LIMS2: variants seen among roughly 807,000 people sequenced by gnomAD.
LIMS2 encodes the protein LIM and senescent cell antigen-like-containing domain protein 2.
In LIMS2, 30 loss-of-function variants were observed where a neutral mutation model predicts 45.3. The ratio of observed to expected loss-of-function variants is 0.66; its 90% CI spans 0.50 to 0.90. The LOEUF (loss-of-function observed/expected upper bound fraction) is 0.90. Among genes scored for constraint, LIMS2 ranks in the 40% least tolerant of loss-of-function variants. The pLI, the probability that LIMS2 is intolerant of heterozygous loss-of-function variation, is 0.00. For missense variants in LIMS2, 485 were observed against 468.7 expected (o/e 1.03, Z -0.32); for synonymous variants, 173 against 188.0 (o/e 0.92, Z 0.65).
At chr2:127,658,266 G>T (rs11895485) in intron 1 of LIMS2, among the ~76,000 whole-genome samples, 2 of 152,170 alleles carry the variant, frequency 1.3e-5, no homozygotes, top group African/African-American at 2.4e-5. Context: ...AGGTGTGGTG[G>T]TGCAAGCCTG....
Position 127,675,155 on chromosome 2 carries a change from G to T in LIMS2, c.-131C>A. 1 of 617,282 alleles carries T rather than the reference G, an allele frequency of 1.6e-6. No homozygotes were observed. Among genetic ancestry groups the T allele is most frequent in the Non-Finnish European group, 2.1e-6 (1 of 484,886 alleles). 38.2% of individuals were successfully genotyped at this position (617,282 alleles called of 1,614,324 possible). ...GGGAGACGCCCAAAAAAGGCCAAGA[G>T]CCGCTCCGCCCGCGAGAGGGGTGGG... On this transcript the variant is annotated 5_prime_UTR_variant, in exon 1 of 10. Transcript: ENST00000355119.
At position 127,653,021 on chromosome 2, in the gene LIMS2, G is replaced by A. The variant is rs34613707; in HGVS notation, c.359+1403C>T. Among the ~76,000 whole-genome samples the A allele has an allele frequency of 4.6e-5, 7 of 152,370 alleles. No individual in the cohort carries two copies. In the East Asian group the frequency reaches 1.2e-3, roughly 25 times the overall value. On this transcript the variant is annotated intron_variant, in intron 4 of 9. Transcript: ENST00000355119. This position sits in a 1 kb window ranked among gnomAD's most constrained non-coding sequence, Gnocchi z 5.3. ...ACACACCCTGTCGGCGACGTTGCTG[G>A]TCAGCACGAGCTCCTGGTGCTGTCC...
intron 9 of LIMS2, 137 bp from the exon 10 acceptor site, chr2:127,639,565 G>T (rs1682189600): frequency 2.9e-6 from 3 of 1,038,156 alleles, no homozygotes; most frequent in East Asian, 2.4e-5. Context: ...AGGCCCTAGG[G>T]TGAGATGGCC....
intron 1 of LIMS2, among the ~76,000 whole-genome samples, chr2:127,660,196 C>G (rs1001643514): frequency 1.3e-5 from 2 of 152,178 alleles, no homozygotes; most frequent in Non-Finnish European, 2.9e-5. Context: ...TAAAAACTGA[C>G]CAATCAGCAC....
rs948060958 is a variant in LIMS2 at position 127,667,768 on chromosome 2, C to T, written c.11+7246G>A. 6.6e-6 allele frequency among the ~76,000 whole-genome samples: 1 copy of T among 152,224 alleles called. No individual in the cohort carries two copies. Among genetic ancestry groups the T allele is most frequent in the African/African-American group, 2.4e-5 (1 of 41,470 alleles). ...GTGATGAGAAAATGAATGCTTTCCT[C>T]CTAAGGTCAGGGGGATTTCCAGTCC... On this transcript the variant is annotated intron_variant, in intron 1 of 9. Transcript: ENST00000355119. This position sits in a 1 kb window ranked among gnomAD's most constrained non-coding sequence, Gnocchi z 4.1.
intron 4 of LIMS2, among the ~76,000 whole-genome samples, chr2:127,644,816 C>T (rs767398766): frequency 6.6e-6 from 1 of 152,224 alleles, no homozygotes; most frequent in Non-Finnish European, 1.5e-5. Context: ...CCAGCCTGGG[C>T]CAGTTCTTCC....
intron 2 of LIMS2, 72 bp downstream of exon 2, chr2:127,657,331 G>C: frequency 6.3e-7 from 1 of 1,585,310 alleles, no homozygotes; most frequent in South Asian, 1.1e-5. Context: ...CCACTGCATG[G>C]AGCCCGGCCC....
chr2:127,645,560 C>A (rs1682879915), intron 4 of LIMS2, among the ~76,000 whole-genome samples: 1 of 152,236 alleles, frequency 6.6e-6, no homozygotes, highest in Admixed American at 6.5e-5. Flanking sequence ...AGCTGAGCCG[C>A]ATCCTCACGG....
At chr2:127,662,745 G>T (rs1171648566) in intron 1 of LIMS2, among the ~76,000 whole-genome samples, 1 of 151,530 alleles carries the variant, frequency 6.6e-6, no homozygotes, top group African/African-American at 2.4e-5. Flanking sequence ...TATACATATG[G>T]AACAAACCTG....
At chr2:127,657,850 T>C (rs754335851) in intron 1 of LIMS2, among the ~76,000 whole-genome samples, 4 of 152,146 alleles carry the variant, frequency 2.6e-5, no homozygotes, top group Non-Finnish European at 5.9e-5. Context: ...AGCGGCTCTG[T>C]ATTCACACTC....
Position 127,664,663 on chromosome 2 carries a change from C to G in LIMS2, c.12-7101G>C, listed in dbSNP as rs973994044. On this transcript the variant is annotated intron_variant, in intron 1 of 9. Coordinates refer to ENST00000355119, the MANE Select transcript of LIMS2 (RefSeq NM_001161403.3). This position sits in a 1 kb window ranked among gnomAD's most constrained non-coding sequence, Gnocchi z 5.5. ...GGGGTTGGGTCCCGCTGGGAGGGGA[C>G]TGGTCTGGGAAGGCCCCAGACAGCA... The G allele has an allele frequency of 1.9e-6, 2 of 1,048,698 alleles. No homozygotes were observed. Among genetic ancestry groups the G allele is most frequent in the Admixed American group, 5.4e-5 (1 of 18,638 alleles). 65.0% of individuals were successfully genotyped at this position (1,048,698 alleles called of 1,614,324 possible).
intron 9 of LIMS2, among the ~76,000 whole-genome samples, chr2:127,639,763 G>A (rs1303438038): frequency 1.3e-5 from 2 of 152,190 alleles, no homozygotes; most frequent in Non-Finnish European, 2.9e-5. Flanking sequence ...TGACACTGCT[G>A]CTTTTGCATA....
chr2:127,662,520 T>C (rs1684734890), intron 1 of LIMS2, among the ~76,000 whole-genome samples: 1 of 151,178 alleles, frequency 6.6e-6, no homozygotes, highest in Non-Finnish European at 1.5e-5. Context: ...CAGCCCACCA[T>C]GGGGACGCTA....
At chr2:127,679,876 A>G (rs6709073), upstream of LIMS2, among the ~76,000 whole-genome samples, 10,504 of 152,174 alleles carry the variant, frequency 0.069, 517 homozygotes, top group South Asian at 0.19. The surrounding 1 kb of genome is among the most constrained non-coding windows in gnomAD (Gnocchi z 5.3). Context: ...GTCTCCTGCC[A>G]CAGCCCAGGT....
chr2:127,646,497 C>G (rs192242819), intron 4 of LIMS2: 1 of 152,390 alleles, frequency 6.6e-6, no homozygotes, highest in African/African-American at 2.4e-5. Context: ...ATGACAGCAC[C>G]GCTGCCCCTA....
rs1558898759 is a variant in LIMS2, at chr2:127,664,468, C to T, written c.12-6906G>A. The T allele has an allele frequency of 8.5e-7, 1 of 1,181,264 alleles. No homozygotes were observed. Among genetic ancestry groups the T allele is most frequent in the Non-Finnish European group, 1.0e-6 (1 of 955,630 alleles). The allele number at this position is 1,181,264 out of a possible 1,614,324, so 73.2% of individuals were successfully genotyped here. A position where few individuals can be genotyped will look rare whatever the true frequency, so the allele number is the denominator to read the frequency against. On this transcript the variant is annotated intron_variant, in intron 1 of 9. Transcript: ENST00000355119. The surrounding 1 kb of genome is among the most constrained non-coding windows in gnomAD (Gnocchi z 5.5). ...ATGGGACCACCTCGGAGGGGAGGCG[C>T]GGCCGCCTGGGGCCAGACACCAAGA...
rs1429985995 is a variant in LIMS2 at position 127,671,904 on chromosome 2, G to A, written c.11+3110C>T. ...CTCGTGTGCTGTGCTGAGGGCTCTA[G>A]CTGCAGTCAGCTGCCCCTTGGCCGA... On this transcript the variant is annotated intron_variant, in intron 1 of 9. Transcript: ENST00000355119. This position sits in a 1 kb window ranked among gnomAD's most constrained non-coding sequence, Gnocchi z 4.1. Among the ~76,000 whole-genome samples the A allele has an allele frequency of 6.6e-6, 1 of 152,248 alleles. No homozygotes were observed. The highest frequency in any genetic ancestry group is 1.5e-5 in the Non-Finnish European group (1 of 68,040).
rs1397777236 is a variant in LIMS2, at chr2:127,650,935, A to G, written c.359+3489T>C. The G allele has an allele frequency of 6.2e-7, 1 of 1,613,852 alleles. No homozygotes were observed. The highest frequency in any genetic ancestry group is 8.5e-7 in the Non-Finnish European group (1 of 1,180,032). On this transcript the variant is annotated intron_variant, in intron 4 of 9. Coordinates refer to ENST00000355119, the MANE Select transcript of LIMS2 (RefSeq NM_001161403.3). ...GACCACAAGTCCGGGACCCCGGCCA[A>G]CGTGTTCCTGATGCATCTGGCCGTG...
chr2:127,655,219 A>G, intron 2 of LIMS2: 1 of 465,522 alleles, frequency 2.1e-6, no homozygotes, highest in Non-Finnish European at 4.0e-6. Context: ...TTAAGCCAGG[A>G]GGGATGAGAT....
Sources: gnomAD v4.1 joint callset for allele counts (sites outside exome capture counted in the v4.1 genomes callset) on GRCh38, gnomAD v4.1.1 for gene constraint, Gnocchi (gnomAD v3.1) non-coding constraint, MANE v1.5 for transcripts, NCBI Gene and HGNC (gene_info 2026-07-23, HGNC 2026-07-21) for gene names.